Variants in SLC35F4 observed in about 807,000 individuals in gnomAD.
SLC35F4 encodes solute carrier family 35 member F4, also known as chromosome 14 open reading frame 36.
In SLC35F4, 24 loss-of-function variants were observed where a neutral mutation model predicts 44.2. The ratio of observed to expected loss-of-function variants is 0.54; its 90% confidence interval spans 0.39 to 0.76. The LOEUF (loss-of-function observed/expected upper bound fraction) is 0.76, where lower values mean the gene tolerates loss of function less well. Among genes scored for constraint, SLC35F4 ranks in the 30% least tolerant of loss-of-function variants. The pLI is 0.00. For synonymous variants in SLC35F4, 238 were observed against 223.6 expected (o/e 1.06, Z -0.57); for missense variants, 562 against 586.1 (o/e 0.96, Z 0.42).
At chr14:57,958,525 G>T (rs900358173) in intron 1 of SLC35F4, among the ~76,000 whole-genome samples, 3 of 149,636 alleles carry the variant, frequency 2.0e-5, no homozygotes, top group Non-Finnish European at 4.4e-5. Flanking sequence ...GTGGCTGCTA[G>T]TGGATACAGA....
exon 2 of SLC35F4, chr14:57,976,863 C>G (rs8014590): frequency 6.6e-6 from 1 of 152,192 alleles, no homozygotes; most frequent in South Asian, 2.1e-4. Context: ...TGAGGGTTCT[C>G]TCTCACAGTA....
chr14:57,697,312 T>C (rs900016257), intron 1 of SLC35F4, among the ~76,000 whole-genome samples: 1 of 152,176 alleles, frequency 6.6e-6, no homozygotes, highest in African/African-American at 2.4e-5. Flanking sequence ...AACTAACTTA[T>C]GGTCAAAGAG....
chr14:57,703,519 T>A (rs535340579), intron 1 of SLC35F4, among the ~76,000 whole-genome samples: 1 of 152,210 alleles, frequency 6.6e-6, no homozygotes, highest in Non-Finnish European at 1.5e-5. Context: ...TAGTGGCAAC[T>A]GCCAACAAGT....
At chr14:57,611,487 T>C (rs1378235509) in intron 1 of SLC35F4, among the ~76,000 whole-genome samples, 1 of 151,746 alleles carries the variant, frequency 6.6e-6, no homozygotes, top group East Asian at 1.9e-4. Flanking sequence ...GAAATGCTGT[T>C]ATCAAGGGAT....
intron 1 of SLC35F4, among the ~76,000 whole-genome samples, chr14:57,618,326 A>G (rs1054720646): frequency 1.2e-4 from 19 of 152,266 alleles, no homozygotes; most frequent in African/African-American, 4.6e-4. Flanking sequence ...AGCATTTCCA[A>G]CTGAGGTACC....
Position 57,661,106 on chromosome 14 carries a change from C to T in SLC35F4, c.104-66982G>A, listed in dbSNP as rs563323728. ...TCCTGTGACCATGCGAATCGAGTTA[C>T]GAATATTGGAGTAACCCTTTCAGGC... On this transcript the variant is annotated intron_variant, in intron 1 of 7. Coordinates refer to ENST00000556826, the MANE Select transcript of SLC35F4 (RefSeq NM_001306087.2). Among the ~76,000 whole-genome samples, 11 of 152,268 alleles carry T rather than the reference C, an allele frequency of 7.2e-5. No individual in the cohort carries two copies. In the East Asian group the frequency reaches 1.7e-3, roughly 24 times the overall value.
chr14:57,770,149 C>G (rs1256616313), intron 1 of SLC35F4, among the ~76,000 whole-genome samples: 1 of 152,120 alleles, frequency 6.6e-6, no homozygotes, highest in Non-Finnish European at 1.5e-5. Context: ...TGGCTCTCCA[C>G]TAAGGGAAGA....
At position 57,693,647 on chromosome 14, in the gene SLC35F4, G is replaced by A. The variant is rs138819418; in HGVS notation, c.104-99523C>T. Among the ~76,000 whole-genome samples the A allele has an allele frequency of 2.0e-3, 310 of 152,174 alleles. 2 individuals are homozygous for A. Among genetic ancestry groups the A allele is most frequent in the African/African-American group, 7.1e-3 (296 of 41,514 alleles). On this transcript the variant is annotated intron_variant, in intron 1 of 7. Coordinates refer to ENST00000556826, the MANE Select transcript of SLC35F4 (RefSeq NM_001306087.2). ...TCACTGGCTTGCTGTCAATAAATAC[G>A]TGGGCAAATCTCTGTTTGAGGCTCT...
chr14:57,861,199 C>T (rs1566911777), intron 1 of SLC35F4, among the ~76,000 whole-genome samples: 1 of 152,150 alleles, frequency 6.6e-6, no homozygotes, highest in Non-Finnish European at 1.5e-5. Flanking sequence ...CCACCATCCT[C>T]ACTCTCATTT....
chr14:57,841,325 C>T (rs545005615), intron 1 of SLC35F4, among the ~76,000 whole-genome samples: 4 of 152,158 alleles, frequency 2.6e-5, no homozygotes, highest in East Asian at 1.9e-4. Context: ...TTGGATTCAT[C>T]GGCAGGTCTC....
chr14:57,783,035 C>T (rs369172334), intron 1 of SLC35F4, among the ~76,000 whole-genome samples: 2 of 152,192 alleles, frequency 1.3e-5, no homozygotes, highest in Admixed American at 6.5e-5. Flanking sequence ...GAAGCTGTTG[C>T]TGCAGCTATA....
intron 1 of SLC35F4, among the ~76,000 whole-genome samples, chr14:57,888,165 T>C (rs1328657872): frequency 6.6e-6 from 1 of 152,118 alleles, no homozygotes; most frequent in Non-Finnish European, 1.5e-5. Context: ...AAGAAGAACC[T>C]CAGAGAAAGG....
In SLC35F4 at chr14:57,571,931, A is replaced by T. The variant is rs1432187938; in HGVS notation, c.896T>A (p.Phe299Tyr). ...FHADSIIGVA[F>Y]AVGSASTSAL... ...AGATGTAGAGGCTGAGCCCACCGCA[A>T]ATGCCACTCCTATGATGGAATCAGC... is the stretch of plus-strand genomic sequence containing the variant. The change falls in exon 5 of 8, where the codon TTT becomes TAT. Residue 299 changes from phenylalanine (F) to tyrosine (Y), a missense_variant. By Grantham distance (22) the Phe-to-Tyr change is conservative. Coordinates refer to ENST00000556826, the MANE Select transcript of SLC35F4 (RefSeq NM_001306087.2). 6.2e-7 allele frequency: 1 copy of T among 1,612,808 alleles called. No homozygotes were observed. Among genetic ancestry groups the T allele is most frequent in the Non-Finnish European group, 8.5e-7 (1 of 1,179,334 alleles).
intron 1 of SLC35F4, among the ~76,000 whole-genome samples, chr14:57,928,665 G>C (rs1343654228): frequency 6.6e-6 from 1 of 152,170 alleles, no homozygotes; most frequent in Non-Finnish European, 1.5e-5. Flanking sequence ...GGTTTCAATA[G>C]GAAATCACTT....
chr14:57,570,255 G>T (rs763133556), intron 5 of SLC35F4, among the ~76,000 whole-genome samples: 1 of 152,136 alleles, frequency 6.6e-6, no homozygotes, highest in South Asian at 2.1e-4. Flanking sequence ...ATCAGTGATG[G>T]GTATTGGGTG....
At chr14:57,855,904 C>G (rs1347210241) in intron 1 of SLC35F4, among the ~76,000 whole-genome samples, 1 of 150,814 alleles carries the variant, frequency 6.6e-6, no homozygotes, top group East Asian at 1.9e-4. Context: ...ATGGATGAAG[C>G]TGGAAACTAT....
At chr14:57,877,674 C>CT (rs139397949) in intron 1 of SLC35F4, among the ~76,000 whole-genome samples, 4,446 of 52,386 alleles carry the variant, frequency 0.085, 1,209 homozygotes, top group East Asian at 0.14. Context: ...TATTTTTTGA[C>CT]TTTTTTTTTT....
intron 1 of SLC35F4, among the ~76,000 whole-genome samples, chr14:57,957,894 C>T (rs1423155103): frequency 1.3e-5 from 2 of 152,246 alleles, no homozygotes; most frequent in South Asian, 2.1e-4. Flanking sequence ...TACACACACA[C>T]ACACTTACGT....
chr14:57,831,218 T>C (rs565622213), intron 1 of SLC35F4, among the ~76,000 whole-genome samples: 1 of 152,272 alleles, frequency 6.6e-6, no homozygotes, highest in East Asian at 1.9e-4. Context: ...TTCCACAGTA[T>C]CTCTAATATC....
Sources: allele counts gnomAD v4.1 joint callset (sites outside exome capture counted in the v4.1 genomes callset), GRCh38; gene constraint gnomAD v4.1.1; transcripts MANE v1.5; gene names NCBI Gene and HGNC (gene_info 2026-07-23, HGNC 2026-07-21).